Variants in TTLL11 observed in about 807,000 individuals in gnomAD.
The protein encoded by TTLL11 is tubulin tyrosine ligase like 11, also known as tubulin polyglutamylase TTLL11.
In TTLL11, 42 loss-of-function variants were observed where a neutral mutation model predicts 51.7. The ratio of observed to expected loss-of-function variants is 0.81; its 90% CI spans 0.64 to 1.05. The LOEUF (loss-of-function observed/expected upper bound fraction) is 1.05. Among genes scored for constraint, TTLL11 ranks in the 50% least tolerant of loss-of-function variants. TTLL11 has a pLI of 0.00. For synonymous variants in TTLL11, 381 were observed against 383.5 expected (o/e 0.99, Z 0.08); for missense variants, 799 against 940.4 (o/e 0.85, Z 1.97).
chr9:122,002,944 C>CAAAAAAAAAAAAAAAAAAAA lies in TTLL11; in HGVS notation c.694-13194_694-13175dup, dbSNP rs547408355. ...CTGGCAACAGAGTGAGACTCTGTCT[C>CAAAAAAAAAAAAAAAAAAAA]AAAAAAAAAAAAAAAAAAAAGAGAT... On this transcript the variant is annotated intron_variant, in intron 3 of 8. Transcript: ENST00000321582. 2.2e-3 allele frequency among the ~76,000 whole-genome samples: 137 copies of CAAAAAAAAAAAAAAAAAAAA among 61,224 alleles called. 5 individuals are homozygous for CAAAAAAAAAAAAAAAAAAAA. The highest frequency in any genetic ancestry group is 7.0e-3 in the Admixed American group (32 of 4,602). 40.2% of individuals were successfully genotyped at this position (61,224 alleles called of 152,430 possible). A position where few individuals can be genotyped will look rare whatever the true frequency, so the allele number is the denominator to read the frequency against.
At chr9:121,865,165 G>A (rs916058102) in intron 7 of TTLL11, among the ~76,000 whole-genome samples, 12 of 152,158 alleles carry the variant, frequency 7.9e-5, no homozygotes, top group African/African-American at 2.7e-4. Context: ...AAGTCACTGA[G>A]GAGTTAATGA....
At chr9:121,825,940 C>T (rs1427111692) in intron 8 of TTLL11, among the ~76,000 whole-genome samples, 3 of 150,740 alleles carry the variant, frequency 2.0e-5, no homozygotes, top group African/African-American at 7.3e-5. Flanking sequence ...TTCTGCTTGT[C>T]TGCATTTTGT....
chr9:122,049,225 C>T lies in TTLL11; in HGVS notation c.463-9857G>A, dbSNP rs536735737. On this transcript the variant is annotated intron_variant, in intron 1 of 8. Transcript: ENST00000321582. ...ATTTAGGTAATGCTTATTCCTATGT[C>T]TATGTGTTAAACACTTTACATGTAT... Among the ~76,000 whole-genome samples, 11 of 152,288 alleles carry T rather than the reference C, an allele frequency of 7.2e-5. No homozygotes were observed. In the South Asian group the frequency reaches 2.3e-3, roughly 32 times the overall value.
At chr9:121,924,911 C>T (rs1436671069) in intron 6 of TTLL11, among the ~76,000 whole-genome samples, 3 of 151,988 alleles carry the variant, frequency 2.0e-5, no homozygotes, top group African/African-American at 7.3e-5. Flanking sequence ...GGAAGTGAGC[C>T]AAAATGTCTG....
intron 6 of TTLL11, among the ~76,000 whole-genome samples, chr9:121,932,901 A>G (rs981346046): frequency 1.3e-4 from 20 of 152,150 alleles, no homozygotes; most frequent in Admixed American, 5.2e-4. Context: ...TTAATGACAA[A>G]ATGCAGATGC....
At chr9:121,939,841 C>T (rs768936024) in intron 6 of TTLL11, among the ~76,000 whole-genome samples, 6 of 152,152 alleles carry the variant, frequency 3.9e-5, no homozygotes, top group South Asian at 2.1e-4. Flanking sequence ...GATGCAGTGA[C>T]GGCTCTGAAG....
intron 1 of TTLL11, among the ~76,000 whole-genome samples, chr9:122,075,127 C>G (rs1433355969): frequency 6.6e-6 from 1 of 152,088 alleles, no homozygotes; most frequent in Non-Finnish European, 1.5e-5. Flanking sequence ...ATATTAATAA[C>G]CAACATTCAT....
intron 8 of TTLL11, among the ~76,000 whole-genome samples, chr9:121,836,487 T>A (rs1263817147): frequency 6.6e-6 from 1 of 152,142 alleles, no homozygotes; most frequent in Non-Finnish European, 1.5e-5. Flanking sequence ...TGCTCTCTGC[T>A]CTCTGCCTGG....
chr9:122,020,334 A>G (rs1432226165), intron 3 of TTLL11, among the ~76,000 whole-genome samples: 1 of 152,200 alleles, frequency 6.6e-6, no homozygotes, highest in Non-Finnish European at 1.5e-5. Context: ...ATTTGCCCTC[A>G]GCCCTGTCCA....
intron 3 of TTLL11, among the ~76,000 whole-genome samples, chr9:122,002,779 C>T (rs1843512005): frequency 6.6e-6 from 1 of 151,770 alleles, no homozygotes; most frequent in African/African-American, 2.4e-5. Flanking sequence ...ACCCCCGTCT[C>T]TACTAAAACT....
chr9:121,987,239 G>C (rs1842963741), intron 4 of TTLL11, among the ~76,000 whole-genome samples: 1 of 152,138 alleles, frequency 6.6e-6, no homozygotes. Context: ...TTGGGAGGAA[G>C]GTTTGAGATA....
At chr9:121,879,389 A>AC (rs1220801108) in intron 6 of TTLL11, among the ~76,000 whole-genome samples, 3 of 152,260 alleles carry the variant, frequency 2.0e-5, no homozygotes, top group Middle Eastern at 6.8e-3. Flanking sequence ...CGTGTGCCTC[A>AC]TTTTCTCAGG....
intron 3 of TTLL11, among the ~76,000 whole-genome samples, chr9:122,029,788 C>T (rs897505379): frequency 1.3e-5 from 2 of 152,098 alleles, no homozygotes; most frequent in African/African-American, 4.8e-5. Context: ...CTTCACATTC[C>T]CTTACCATTC....
At position 121,853,101 on chromosome 9, in the gene TTLL11, C is replaced by T. The variant is rs1445851840; in HGVS notation, c.1840+7236G>A. ...ATGTGAGCAGAGGCGTCAGATGACT[C>T]GCAGTCGGTGACTGAGGGATTTTGC... On this transcript the variant is annotated intron_variant, in intron 8 of 8. Transcript: ENST00000321582. The surrounding 1 kb of genome is among the most constrained non-coding windows in gnomAD (Gnocchi z 5.6). Among the ~76,000 whole-genome samples, 1 of 152,224 alleles carries T rather than the reference C, an allele frequency of 6.6e-6. No individual in the cohort carries two copies. Among genetic ancestry groups the T allele is most frequent in the Non-Finnish European group, 1.5e-5 (1 of 68,042 alleles).
At chr9:121,932,372 C>T (rs1455434884) in intron 6 of TTLL11, among the ~76,000 whole-genome samples, 1 of 152,212 alleles carries the variant, frequency 6.6e-6, no homozygotes. Context: ...TTCTCCTGCA[C>T]CTGCATCCTT....
At chr9:121,863,469 AT>A (rs142790042) in intron 7 of TTLL11, among the ~76,000 whole-genome samples, 61 of 152,070 alleles carry the variant, frequency 4.0e-4, no homozygotes, top group African/African-American at 1.4e-3. Flanking sequence ...GTATATAGTC[AT>A]TTTTTTTCTG....
At chr9:121,994,152 T>C (rs1010689589) in intron 3 of TTLL11, among the ~76,000 whole-genome samples, 1 of 152,116 alleles carries the variant, frequency 6.6e-6, no homozygotes, top group African/African-American at 2.4e-5. Context: ...AGGGCAAGAA[T>C]GGCCTGTTGG....
At chr9:121,975,076 T>C in intron 4 of TTLL11, 97 bp from the exon 5 acceptor site, 1 of 915,618 alleles carries the variant, frequency 1.1e-6, no homozygotes, top group Non-Finnish European at 1.5e-6. Flanking sequence ...TCCCCAACCT[T>C]GGCCTTGACC....
chr9:122,007,715 T>C (rs1257569535), intron 3 of TTLL11, among the ~76,000 whole-genome samples: 4 of 152,076 alleles, frequency 2.6e-5, no homozygotes, highest in Admixed American at 6.6e-5. Context: ...GAAGGGAAGA[T>C]AGAGGTAGAT....
Sources: allele counts gnomAD v4.1 joint callset (sites outside exome capture counted in the v4.1 genomes callset), GRCh38; gene constraint gnomAD v4.1.1; non-coding constraint Gnocchi (gnomAD v3.1); transcripts MANE v1.5; gene names NCBI Gene and HGNC (gene_info 2026-07-23, HGNC 2026-07-21).